REEP1: variants seen among roughly 807,000 people sequenced by gnomAD.
REEP1 encodes receptor accessory protein 1.
In REEP1, 22 loss-of-function variants were observed where a neutral mutation model predicts 40.3. The observed-to-expected ratio is 0.55, with a 90% CI of 0.39 to 0.78. The LOEUF (loss-of-function observed/expected upper bound fraction) is 0.78, where lower values mean the gene tolerates loss of function less well. Ranked by LOEUF, REEP1 falls within the 30% of genes least tolerant of loss-of-function variation. The pLI is 0.00. For missense variants in REEP1, 280 were observed against 361.1 expected, an observed-to-expected ratio of 0.78 and a Z score of 1.82; for synonymous variants, 116 against 139.2, an observed-to-expected ratio of 0.83 and a Z score of 1.17.
At chr2:86,272,161 A>G (rs6715528) in intron 2 of REEP1, among the ~76,000 whole-genome samples, 133,134 of 152,206 alleles carry the variant, frequency 0.87, 58,630 homozygotes, top group East Asian at 0.96. Context: ...AGTGGAGGTT[A>G]CAGTGAGCCA....
At chr2:86,228,552 G>A (rs4832029) in intron 6 of REEP1, among the ~76,000 whole-genome samples, 43,424 of 151,478 alleles carry the variant, frequency 0.29, 7,789 homozygotes, top group East Asian at 0.6. Flanking sequence ...TCTGCCTCCC[G>A]GGTTCAAGCA....
intron 6 of REEP1, among the ~76,000 whole-genome samples, chr2:86,230,383 G>C (rs1448587454): frequency 6.6e-6 from 1 of 152,250 alleles, no homozygotes; most frequent in African/African-American, 2.4e-5. Flanking sequence ...CCTCAGCCCA[G>C]TGCACAACCT....
At chr2:86,225,826 A>C (rs1435979839) in intron 7 of REEP1, among the ~76,000 whole-genome samples, 1 of 152,210 alleles carries the variant, frequency 6.6e-6, no homozygotes, top group Non-Finnish European at 1.5e-5. Context: ...CTTGCCTTCC[A>C]AGCCTAAGGC....
At chr2:86,328,851 C>T (rs926430704) in intron 1 of REEP1, among the ~76,000 whole-genome samples, 31 of 152,222 alleles carry the variant, frequency 2.0e-4, no homozygotes, top group Non-Finnish European at 3.4e-4. Context: ...GCTCTGGTCC[C>T]GTGGCAGCGT....
At chr2:86,219,261 A>G (rs990063885) in intron 8 of REEP1, among the ~76,000 whole-genome samples, 1 of 152,226 alleles carries the variant, frequency 6.6e-6, no homozygotes, top group Non-Finnish European at 1.5e-5. Flanking sequence ...ACAGCGATGA[A>G]CAAGCCTTGT....
At chr2:86,221,128 G>A (rs976803028) in intron 7 of REEP1, among the ~76,000 whole-genome samples, 2 of 152,126 alleles carry the variant, frequency 1.3e-5, no homozygotes, top group African/African-American at 2.4e-5. Context: ...CTGCTCCTAA[G>A]AACATATTCA....
intron 2 of REEP1, among the ~76,000 whole-genome samples, chr2:86,265,820 A>G (rs554607026): frequency 6.6e-5 from 10 of 152,222 alleles, no homozygotes; most frequent in Non-Finnish European, 1.3e-4. Flanking sequence ...GGGATGAGAA[A>G]CTACCGAATG....
chr2:86,337,781 G>T, upstream of REEP1: 2 of 791,032 alleles, frequency 2.5e-6, no homozygotes, highest in Non-Finnish European at 3.4e-6. This position sits in a 1 kb window ranked among gnomAD's most constrained non-coding sequence, Gnocchi z 5.8. Context: ...GCCCCGTCCC[G>T]CTCGCCCTGG....
At chr2:86,260,459 C>T (rs553325859) in intron 3 of REEP1, among the ~76,000 whole-genome samples, 1 of 152,292 alleles carries the variant, frequency 6.6e-6, no homozygotes, top group East Asian at 1.9e-4. Context: ...CTGTGGTAGG[C>T]AGAGTTTTGG....
upstream of REEP1, chr2:86,337,887 G>T: frequency 1.1e-6 from 1 of 933,570 alleles, no homozygotes; most frequent in Non-Finnish European, 1.6e-6. The surrounding 1 kb of genome is among the most constrained non-coding windows in gnomAD (Gnocchi z 5.8). Flanking sequence ...GCAGGGACCC[G>T]GGTGCTGCCC....
At chr2:86,276,987 T>C (rs946240223) in intron 2 of REEP1, among the ~76,000 whole-genome samples, 1 of 152,228 alleles carries the variant, frequency 6.6e-6, no homozygotes. Flanking sequence ...TGCTTCTTAA[T>C]GACTTTGGTA....
intron 8 of REEP1, among the ~76,000 whole-genome samples, chr2:86,218,564 G>T (rs1369405255): frequency 6.6e-6 from 1 of 152,240 alleles, no homozygotes. Flanking sequence ...TGGCAGGCTG[G>T]TGAACTGTAA....
At chr2:86,305,391 C>T (rs757900190) in intron 1 of REEP1, among the ~76,000 whole-genome samples, 9 of 152,246 alleles carry the variant, frequency 5.9e-5, no homozygotes, top group Non-Finnish European at 1.3e-4. Context: ...CTCTGGTCTG[C>T]ACCAGCTGAG....
chr2:86,267,527 C>T (rs1574058421), intron 2 of REEP1, among the ~76,000 whole-genome samples: 1 of 151,320 alleles, frequency 6.6e-6, no homozygotes, highest in South Asian at 2.1e-4. Context: ...CTAAAAAACT[C>T]AAAAAGTAGC....
chr2:86,252,151 G>T, intron 4 of REEP1, 81 bp from the exon 5 acceptor site: 2 of 1,057,820 alleles, frequency 1.9e-6, no homozygotes, highest in African/African-American at 1.6e-5. Flanking sequence ...CTGAGCATTG[G>T]GCTTGGCAGC....
rs536736975 is a variant in REEP1 at position 86,254,678 on chromosome 2, T to A, written c.303+16A>T. On this transcript the variant is annotated intron_variant, in intron 4 of 8. Coordinates refer to ENST00000538924, the MANE Select transcript of REEP1 (RefSeq NM_001371279.1). ...CACTTGCTAGAAAGAATGAAAGACA[T>A]GGCAGCATATATTACCTTTTCTTTT... The A allele has an allele frequency of 1.9e-6, 3 of 1,611,364 alleles. No individual in the cohort carries two copies. In the East Asian group the frequency reaches 6.7e-5, roughly 36 times the overall value.
intron 4 of REEP1, among the ~76,000 whole-genome samples, chr2:86,252,655 C>G (rs1276568209): frequency 6.6e-6 from 1 of 152,120 alleles, no homozygotes; most frequent in Non-Finnish European, 1.5e-5. Flanking sequence ...AGGGTTGAGC[C>G]CTTGCAGTTC....
intron 1 of REEP1, among the ~76,000 whole-genome samples, chr2:86,293,550 A>T (rs1485787499): frequency 6.6e-6 from 1 of 152,222 alleles, no homozygotes; most frequent in East Asian, 1.9e-4. Flanking sequence ...AGCTCACAAA[A>T]CTATACAGTA....
chr2:86,337,676 C>A (rs1681118716), upstream of REEP1: 3 of 1,006,120 alleles, frequency 3.0e-6, no homozygotes, highest in Non-Finnish European at 3.6e-6. The surrounding 1 kb of genome is among the most constrained non-coding windows in gnomAD (Gnocchi z 5.8). Context: ...GCAGCCGCGG[C>A]ACGTTCTGGC....
Sources: allele counts gnomAD v4.1 joint callset (sites outside exome capture counted in the v4.1 genomes callset), GRCh38; gene constraint gnomAD v4.1.1; non-coding constraint Gnocchi (gnomAD v3.1); transcripts MANE v1.5; gene names NCBI Gene and HGNC (gene_info 2026-07-23, HGNC 2026-07-21).